The following SH3KBP1 variants were observed in gnomAD, a reference collection of about 807,000 sequenced individuals.
SH3KBP1 encodes the protein SH3 domain-containing kinase-binding protein 1.
Under a neutral mutation model 50.1 loss-of-function variants are expected in SH3KBP1, and 8 were observed. That is an observed-to-expected ratio of 0.16 (90% CI 0.09 to 0.29). The LOEUF (loss-of-function observed/expected upper bound fraction) is 0.29, where lower values mean the gene tolerates loss of function less well. Ranked by LOEUF, SH3KBP1 falls within the 10% of genes least tolerant of loss-of-function variation. The probability of loss-of-function intolerance (pLI) is 1.00; values close to 1 mark genes in which losing one functional copy is unlikely to be tolerated. For missense variants in SH3KBP1, 377 were observed against 535.2 expected, an observed-to-expected ratio of 0.70 and a Z score of 2.92; for synonymous variants, 227 against 218.6, an observed-to-expected ratio of 1.04 and a Z score of -0.34.
At chrX:19,673,833 C>T (rs1281983197) in intron 6 of SH3KBP1, among the ~76,000 whole-genome samples, 1 of 111,545 alleles carries the variant, frequency 9.0e-6, no homozygotes, top group East Asian at 2.8e-4. Context: ...CTGCCCACTT[C>T]CTCCACTACC....
At position 19,550,446 on chromosome X, in the gene SH3KBP1, G is replaced by T. The variant is rs1045485536; in HGVS notation, c.1385-363C>A. On this transcript the variant is annotated intron_variant, in intron 13 of 17. Transcript: ENST00000397821. ...GTAGACAGAACACTCTGGCAGTCTC[G>T]ACACAAAAGGCAGTTATTACAAGGT... 2.7e-5 allele frequency among the ~76,000 whole-genome samples: 3 copies of T among 111,065 alleles called. No individual in the cohort carries two copies. In the East Asian group the frequency reaches 8.6e-4, roughly 32 times the overall value.
intron 2 of SH3KBP1, among the ~76,000 whole-genome samples, chrX:19,770,761 C>T (rs2065766726): frequency 9.2e-6 from 1 of 108,186 alleles, no homozygotes; most frequent in Non-Finnish European, 1.9e-5. Context: ...GAGATGGTAC[C>T]TCACTGTGGT....
At chrX:19,780,725 C>G (rs1015395257) in intron 2 of SH3KBP1, among the ~76,000 whole-genome samples, 2 of 107,440 alleles carry the variant, frequency 1.9e-5, no homozygotes, top group Non-Finnish European at 3.8e-5. Flanking sequence ...GCTTGTTTTT[C>G]TCAGGTTTGT....
chrX:19,620,375 C>A (rs1471174229), intron 8 of SH3KBP1, among the ~76,000 whole-genome samples: 4 of 112,326 alleles, frequency 3.6e-5, no homozygotes, highest in African/African-American at 1.3e-4. Context: ...AAATTCCTAT[C>A]TTCCACTTCC....
intron 2 of SH3KBP1, among the ~76,000 whole-genome samples, chrX:19,770,801 A>T (rs1001482781): frequency 9.1e-6 from 1 of 110,133 alleles, no homozygotes; most frequent in African/African-American, 3.3e-5. Flanking sequence ...ATGATCAACG[A>T]TATTGAGCTT....
chrX:19,811,466 G>C (rs888248774), intron 2 of SH3KBP1, among the ~76,000 whole-genome samples: 1 of 111,523 alleles, frequency 9.0e-6, no homozygotes, highest in African/African-American at 3.3e-5. Context: ...AATCCCACTG[G>C]ACCGAAGCCT....
rs2063355900 is a variant in SH3KBP1 at position 19,694,013 on chromosome X, T to G, written c.520+1599A>C. On this transcript the variant is annotated intron_variant, in intron 5 of 17. Transcript: ENST00000397821. ...GCTATCGCTCAGTATGCAAGCAACC[T>G]CCAAGCAACTGATACTAACTGGTTA... Among the ~76,000 whole-genome samples, 4 of 112,160 alleles carry G rather than the reference T, an allele frequency of 3.6e-5. No homozygotes were observed. The South Asian group carries it at 1.5e-3, about 42-fold the overall frequency.
At chrX:19,771,663 A>G (rs2065794739) in intron 2 of SH3KBP1, among the ~76,000 whole-genome samples, 1 of 110,914 alleles carries the variant, frequency 9.0e-6, no homozygotes, top group Non-Finnish European at 1.9e-5. Context: ...CAGGAGTTCA[A>G]GATCAGCCTG....
intron 3 of SH3KBP1, among the ~76,000 whole-genome samples, chrX:19,743,513 G>GTT (rs770705665): frequency 8.9e-6 from 1 of 111,871 alleles, no homozygotes; most frequent in East Asian, 2.8e-4. Context: ...CTCTGCAGAC[G>GTT]TTTACAAACG....
At chrX:19,775,780 T>C (rs1220761238) in intron 2 of SH3KBP1, among the ~76,000 whole-genome samples, 1 of 111,848 alleles carries the variant, frequency 8.9e-6, no homozygotes, top group East Asian at 2.8e-4. Flanking sequence ...GCACTAAAGA[T>C]CTGCTTTAAA....
chrX:19,737,372 G>C (rs1657137946), intron 3 of SH3KBP1, among the ~76,000 whole-genome samples: 1 of 111,209 alleles, frequency 9.0e-6, no homozygotes, highest in African/African-American at 3.3e-5. Flanking sequence ...TCAATAAGTG[G>C]GTCCCTCTGT....
chrX:19,847,314 G>A (rs2068389614), intron 1 of SH3KBP1, among the ~76,000 whole-genome samples: 1 of 111,160 alleles, frequency 9.0e-6, no homozygotes, highest in African/African-American at 3.3e-5. Flanking sequence ...GAAGCTGATG[G>A]GCCTCCTGAA....
intron 13 of SH3KBP1, among the ~76,000 whole-genome samples, chrX:19,567,518 CAAAAAAAAAAAAAAAAAAAAA>C (rs869158450): frequency 1.7e-3 from 12 of 7,267 alleles, no homozygotes; most frequent in East Asian, 0.014. Context: ...GACTCCATCT[CAAAAAAAAAAAAAAAAAAAAA>C]AAAAAAAAAA....
At chrX:19,707,069 A>G (rs1205625974) in intron 3 of SH3KBP1, 85 bp from the exon 4 acceptor site, 2 of 807,650 alleles carry the variant, frequency 2.5e-6, no homozygotes, top group Admixed American at 4.4e-5. Flanking sequence ...ATGCAGGCAA[A>G]TTAAGCTGAC....
chrX:19,698,214 A>T (rs1291791853), intron 4 of SH3KBP1, among the ~76,000 whole-genome samples: 1 of 111,860 alleles, frequency 8.9e-6, no homozygotes, highest in Non-Finnish European at 1.9e-5. Flanking sequence ...TAGCAGGAGG[A>T]GAAAATCAAG....
chrX:19,629,799 T>C (rs2061535540), intron 8 of SH3KBP1, among the ~76,000 whole-genome samples: 2 of 112,345 alleles, frequency 1.8e-5, no homozygotes, highest in Admixed American at 1.9e-4. Flanking sequence ...ATAATATTAA[T>C]AGCAGTGCGC....
At chrX:19,626,864 C>G (rs1328646013) in intron 8 of SH3KBP1, among the ~76,000 whole-genome samples, 1 of 109,774 alleles carries the variant, frequency 9.1e-6, no homozygotes, top group Non-Finnish European at 1.9e-5. Context: ...CCACTGAGCC[C>G]GGCCTGGGTC....
At chrX:19,600,622 A>C (rs754145392) in intron 9 of SH3KBP1, among the ~76,000 whole-genome samples, 2 of 111,550 alleles carry the variant, frequency 1.8e-5, no homozygotes, top group East Asian at 5.6e-4. Flanking sequence ...CTCCGGGCTA[A>C]GTAGTAGGTC....
chrX:19,572,470 CTATATATAGTACATATATGT>C (rs1369400595), intron 12 of SH3KBP1, among the ~76,000 whole-genome samples: 70 of 104,962 alleles, frequency 6.7e-4, no homozygotes, highest in Non-Finnish European at 9.4e-4. Context: ...TACATATATA[CTATATATAGTACATATATGT>C]TATATATAGT....
Sources: gnomAD v4.1 joint callset for allele counts (sites outside exome capture counted in the v4.1 genomes callset) on GRCh38, gnomAD v4.1.1 for gene constraint, MANE v1.5 for transcripts, NCBI Gene and HGNC (gene_info 2026-07-23, HGNC 2026-07-21) for gene names.